Variants in RGCC observed in about 807,000 individuals in gnomAD.
RGCC encodes regulator of cell cycle.
In RGCC, 15 loss-of-function variants were observed where a neutral mutation model predicts 15.4. That is an observed-to-expected ratio of 0.97 (90% CI 0.65 to 1.50). The LOEUF (loss-of-function observed/expected upper bound fraction) is 1.50. Among genes scored for constraint, RGCC ranks in the 40% most tolerant of loss-of-function variants. RGCC has a pLI of 0.00. For missense variants in RGCC, 176 were observed against 189.7 expected (o/e 0.93, Z 0.42); for synonymous variants, 81 against 78.0 (o/e 1.04, Z -0.20).
chr13:41,457,568 G>T lies in RGCC; in HGVS notation c.-140G>T. The stretch of plus-strand genomic sequence containing the variant: ...CGGTGGTAGGGCGGGCGCGGACCGT[G>T]CTGGGAGCGGCGCGGCTGGAGCGCA... On this transcript the variant is annotated 5_prime_UTR_variant, in exon 1 of 5. Transcript: ENST00000379359. The surrounding 1 kb of genome is among the most constrained non-coding windows in gnomAD (Gnocchi z 4.9). The T allele has an allele frequency of 4.4e-6, 6 of 1,370,560 alleles. No homozygotes were observed. Among genetic ancestry groups the T allele is most frequent in the Non-Finnish European group, 5.7e-6 (6 of 1,057,374 alleles). 84.9% of individuals were successfully genotyped at this position (1,370,560 alleles called of 1,614,324 possible).
chr13:41,463,281 A>C lies in RGCC; in HGVS notation c.236-3542A>C, dbSNP rs983210834. On this transcript the variant is annotated intron_variant, in intron 2 of 4. Transcript: ENST00000379359. ...CATCTGTGCCATACACGATGTGTAG[A>C]TATCATCACAGGGTGCGCCTCAGCT... Among the ~76,000 whole-genome samples, 11 of 151,450 alleles carry C rather than the reference A, an allele frequency of 7.3e-5. No homozygotes were observed. In the East Asian group the frequency reaches 2.2e-3, roughly 30 times the overall value.
chr13:41,463,461 A>C (rs1417224188), intron 2 of RGCC, among the ~76,000 whole-genome samples: 1 of 71,356 alleles, frequency 1.4e-5, no homozygotes, highest in Non-Finnish European at 2.4e-5. Context: ...GCGTGAGCTA[A>C]TGTGTATCTG....
chr13:41,458,472 T>C lies in RGCC; in HGVS notation c.235+2T>C. The C allele has an allele frequency of 6.3e-7, 1 of 1,593,592 alleles. No homozygotes were observed. Among genetic ancestry groups the C allele is most frequent in the Non-Finnish European group, 8.5e-7 (1 of 1,175,414 alleles). ...GCAGCGGCTTCAGCGACTCGGAGAG[T>C]AAGTGCGGCCCCCGCTAGGATGGCG... On this transcript the variant is annotated splice_donor_variant, in intron 2 of 4. Transcript: ENST00000379359. LOFTEE classifies it high-confidence loss of function. This position sits in a 1 kb window ranked among gnomAD's most constrained non-coding sequence, Gnocchi z 4.4.
chr13:41,460,334 A>G (rs2043815156), intron 2 of RGCC, among the ~76,000 whole-genome samples: 1 of 152,236 alleles, frequency 6.6e-6, no homozygotes, highest in Admixed American at 6.5e-5. Flanking sequence ...GAGTACAGAC[A>G]TTTGTTATCC....
chr13:41,458,382 C>G lies in RGCC; in HGVS notation c.147C>G (p.Arg49=). 1 of 1,599,040 alleles carries G rather than the reference C, an allele frequency of 6.3e-7. No homozygotes were observed. Among genetic ancestry groups the G allele is most frequent in the South Asian group, 1.1e-5 (1 of 90,162 alleles). The change falls in exon 2 of 5, where the codon CGC becomes CGG. Residue 49 remains arginine (R), a synonymous_variant. Transcript: ENST00000379359. The surrounding 1 kb of genome is among the most constrained non-coding windows in gnomAD (Gnocchi z 4.4). ...LADFASPFHE[R]HFHYEEHLER... ...ACTTCGCGTCGCCCTTCCACGAGCG[C>G]CACTTCCACTACGAGGAGCACCTGG...
chr13:41,460,480 T>TATGATG (rs981013659), intron 2 of RGCC, among the ~76,000 whole-genome samples: 1 of 152,154 alleles, frequency 6.6e-6, no homozygotes, highest in South Asian at 2.1e-4. Flanking sequence ...AAACGCTTGT[T>TATGATG]ATGATGATGA....
At chr13:41,466,265 GCA>G (rs199682174) in intron 2 of RGCC, among the ~76,000 whole-genome samples, 12 of 148,614 alleles carry the variant, frequency 8.1e-5, no homozygotes, top group African/African-American at 2.0e-4. Context: ...ACACACTCAT[GCA>G]CACACACACA....
chr13:41,457,777 C>G lies in RGCC; in HGVS notation c.49+21C>G. On this transcript the variant is annotated intron_variant, in intron 1 of 4. Coordinates refer to ENST00000379359, the MANE Select transcript of RGCC (RefSeq NM_014059.3). The surrounding 1 kb of genome is among the most constrained non-coding windows in gnomAD (Gnocchi z 4.9). ...CGCAGGTGAGTGCGGGGTCCGGGGTCCCCTTAAAGTCTCGGCTCTGCAGAT... is the reference window on the plus strand; with the variant it reads ...CGCAGGTGAGTGCGGGGTCCGGGGTGCCCTTAAAGTCTCGGCTCTGCAGAT... The G allele has an allele frequency of 7.3e-7, 1 of 1,374,538 alleles. No homozygotes were observed. Among genetic ancestry groups the G allele is most frequent in the South Asian group, 1.9e-5 (1 of 54,036 alleles). The allele number at this position is 1,374,538 out of a possible 1,614,324, so 85.1% of individuals were successfully genotyped here.
At chr13:41,461,813 G>A (rs998332146) in intron 2 of RGCC, among the ~76,000 whole-genome samples, 2 of 152,244 alleles carry the variant, frequency 1.3e-5, no homozygotes, top group African/African-American at 4.8e-5. Flanking sequence ...GATGGCTTAT[G>A]TGGCTTAGAA....
chr13:41,457,728 G>A lies in RGCC; in HGVS notation c.21G>A (p.Gln7=), dbSNP rs2043799490. Residue 7 remains glutamine, a synonymous_variant, in exon 1 of 5, where the codon CAG becomes CAA. Transcript: ENST00000379359. This position sits in a 1 kb window ranked among gnomAD's most constrained non-coding sequence, Gnocchi z 4.9. MKPPAA[Q]GSPAAAAAAA... ...GCCTCATGAAGCCGCCCGCGGCGCA[G>A]GGCAGCCCCGCGGCCGCCGCGGCCG... 1 of 1,425,324 alleles carries A rather than the reference G, an allele frequency of 7.0e-7. No homozygotes were observed. Among genetic ancestry groups the A allele is most frequent in the East Asian group, 3.0e-5 (1 of 33,164 alleles). 88.3% of individuals were successfully genotyped at this position (1,425,324 alleles called of 1,614,324 possible). A position where few individuals can be genotyped will look rare whatever the true frequency, so the allele number is the denominator to read the frequency against.
At chr13:41,463,922 G>A (rs1249601894) in intron 2 of RGCC, among the ~76,000 whole-genome samples, 1 of 152,198 alleles carries the variant, frequency 6.6e-6, no homozygotes, top group African/African-American at 2.4e-5. Context: ...TTGCCTGTGA[G>A]GTGAACAAAT....
At position 41,458,560 on chromosome 13, in the gene RGCC, T is replaced by A; in HGVS notation, c.235+90T>A. The A allele has an allele frequency of 7.7e-7, 1 of 1,302,778 alleles. No homozygotes were observed. Among genetic ancestry groups the A allele is most frequent in the Non-Finnish European group, 1.0e-6 (1 of 963,230 alleles). The allele number at this position is 1,302,778 out of a possible 1,614,324, so 80.7% of individuals were successfully genotyped here. On this transcript the variant is annotated intron_variant, in intron 2 of 4. Coordinates refer to ENST00000379359, the MANE Select transcript of RGCC (RefSeq NM_014059.3). This position sits in a 1 kb window ranked among gnomAD's most constrained non-coding sequence, Gnocchi z 4.4. Reference sequence around the variant, plus strand: ...GCTGCGGCCTCAGTTTTCTTATCAGTAAACTGAGGAATGGTTTCCTGAAGC... The same window carrying A: ...GCTGCGGCCTCAGTTTTCTTATCAGAAAACTGAGGAATGGTTTCCTGAAGC...
Position 41,458,127 on chromosome 13 carries a change from G to C in RGCC, c.50-158G>C, listed in dbSNP as rs1262450805. Among the ~76,000 whole-genome samples the C allele has an allele frequency of 1.3e-5, 2 of 152,206 alleles. No individual in the cohort carries two copies. The highest frequency in any genetic ancestry group is 4.8e-5 in the African/African-American group (2 of 41,460). On this transcript the variant is annotated intron_variant, in intron 1 of 4. Transcript: ENST00000379359. This position sits in a 1 kb window ranked among gnomAD's most constrained non-coding sequence, Gnocchi z 4.4. ...AATAGAACGCACTTCGGGGGTGGTG[G>C]AGAAGATTACAAGGTAACAGCGACT...
chr13:41,460,249 G>A (rs1327682310), intron 2 of RGCC, among the ~76,000 whole-genome samples: 2 of 152,170 alleles, frequency 1.3e-5, no homozygotes, highest in Non-Finnish European at 2.9e-5. Context: ...AATATTGTTG[G>A]CAGAAGCTGT....
chr13:41,464,553 C>T (rs1057437523), intron 2 of RGCC, among the ~76,000 whole-genome samples: 1 of 152,070 alleles, frequency 6.6e-6, no homozygotes, highest in Non-Finnish European at 1.5e-5. Flanking sequence ...GCAGGAGCAC[C>T]ACAAAGAAGT....
In RGCC at chr13:41,467,278, A is replaced by T. The variant is rs567663539; in HGVS notation, c.343+348A>T. Among the ~76,000 whole-genome samples the T allele has an allele frequency of 4.6e-5, 7 of 152,206 alleles. No homozygotes were observed. In the South Asian group the frequency reaches 1.5e-3, roughly 32 times the overall value. ...AGACTTGTTGGTTCTAGAATTTAAA[A>T]CTCAGCAGTTTGCCTTTGCAGATAG... is the stretch of plus-strand genomic sequence containing the variant. On this transcript the variant is annotated intron_variant, in intron 3 of 4. Transcript: ENST00000379359.
chr13:41,467,097 C>A (rs892701942), intron 3 of RGCC, among the ~76,000 whole-genome samples, 167 bp downstream of exon 3: 2 of 152,128 alleles, frequency 1.3e-5, no homozygotes, highest in Non-Finnish European at 1.5e-5. Context: ...TTTTTTATTT[C>A]TCAGGATTTT....
intron 4 of RGCC, among the ~76,000 whole-genome samples, chr13:41,469,185 C>T (rs767387986): frequency 1.4e-4 from 22 of 151,736 alleles, no homozygotes; most frequent in Middle Eastern, 3.2e-3. Context: ...CACTTGAACC[C>T]GGGAGGCAGA....
Position 41,466,823 on chromosome 13 carries a change from G to A in RGCC, c.236G>A (p.Ser79Asn). The A allele has an allele frequency of 6.2e-7, 1 of 1,607,030 alleles. No homozygotes were observed. Among genetic ancestry groups the A allele is most frequent in the African/African-American group, 1.3e-5 (1 of 74,864 alleles). Residue 79 changes from serine to asparagine, a missense_variant and splice_region_variant, in exon 3 of 5, where the codon AGT becomes AAT. Transcript: ENST00000379359. The part of the protein sequence containing the change: ...SDSSGFSDSE[S>N]ADSLYRNSFS... ...ATGAGTATATTTTCCTTCCTGAAAG[G>A]TGCAGATTCACTTTATAGGAACAGC...
Sources: gnomAD v4.1 joint callset for allele counts (sites outside exome capture counted in the v4.1 genomes callset) on GRCh38, gnomAD v4.1.1 for gene constraint, Gnocchi (gnomAD v3.1) non-coding constraint, MANE v1.5 for transcripts, NCBI Gene and HGNC (gene_info 2026-07-23, HGNC 2026-07-21) for gene names.